The following SMAD4 variants were observed in gnomAD, a reference collection of about 807,000 sequenced individuals.
SMAD4 encodes SMAD family member 4, also known as MAD homolog 4.
In SMAD4, 7 loss-of-function variants were observed where a neutral mutation model predicts 63.2. The ratio of observed to expected loss-of-function variants is 0.11; its 90% confidence interval spans 0.06 to 0.21. The LOEUF (loss-of-function observed/expected upper bound fraction) is 0.21, where lower values mean the gene tolerates loss of function less well. SMAD4 is among the 10% of genes least tolerant of loss of function. The probability of loss-of-function intolerance (pLI) is 1.00; values close to 1 mark genes in which losing one functional copy is unlikely to be tolerated. For synonymous variants in SMAD4, 215 were observed against 235.4 expected (o/e 0.91, Z 0.79); for missense variants, 312 against 693.8 (o/e 0.45, Z 6.18).
chr18:51,050,509 A>C (rs1909678560), intron 4 of SMAD4, among the ~76,000 whole-genome samples: 2 of 151,194 alleles, frequency 1.3e-5, no homozygotes, highest in Admixed American at 6.6e-5. Flanking sequence ...AACATACAAA[A>C]TTAGCCGGAC....
intron 1 of SMAD4, among the ~76,000 whole-genome samples, chr18:51,033,169 C>G (rs1001751054): frequency 6.6e-6 from 1 of 150,962 alleles, no homozygotes; most frequent in African/African-American, 2.4e-5. Flanking sequence ...AAAGGACTTA[C>G]ACCAGCATAA....
chr18:51,073,433 A>ACACC (rs1910386533), intron 10 of SMAD4, among the ~76,000 whole-genome samples: 3 of 130,502 alleles, frequency 2.3e-5, no homozygotes, highest in Non-Finnish European at 3.3e-5. Context: ...ACACACACAC[A>ACACC]CCATACTTGG....
chr18:51,083,597 C>A lies in SMAD4; in HGVS notation c.*5130C>A. 4.4e-6 allele frequency: 1 copy of A among 228,152 alleles called. No individual in the cohort carries two copies. Among genetic ancestry groups the A allele is most frequent in the Non-Finnish European group, 8.7e-6 (1 of 114,814 alleles). 14.1% of individuals were successfully genotyped at this position (228,152 alleles called of 1,614,324 possible). On this transcript the variant is annotated 3_prime_UTR_variant, in exon 12 of 12. Transcript: ENST00000342988. ...TAGGTCCAGAGCCAGTGTTCTTGTT[C>A]AACCTGAAAGTAATGGCTCTGGGTT...
chr18:51,067,215 T>G lies in SMAD4; in HGVS notation c.1308+28T>G, dbSNP rs766140541. The G allele has an allele frequency of 2.3e-6, 3 of 1,301,914 alleles. No individual in the cohort carries two copies. In the African/African-American group the frequency reaches 4.4e-5, roughly 19 times the overall value. 80.6% of individuals were successfully genotyped at this position (1,301,914 alleles called of 1,614,324 possible). The stretch of plus-strand genomic sequence containing the variant: ...TAGTTACAATTTTATTTGAATATTT[T>G]AGACTTAAAGCTCTATTTGTTGTCA... On this transcript the variant is annotated intron_variant, in intron 10 of 11. Transcript: ENST00000342988.
chr18:51,040,271 A>G (rs1452910319), intron 1 of SMAD4, among the ~76,000 whole-genome samples: 1 of 152,018 alleles, frequency 6.6e-6, no homozygotes, highest in African/African-American at 2.4e-5. Context: ...TAATAATACA[A>G]AAATTAGCTG....
chr18:51,075,068 A>G (rs371801746), intron 10 of SMAD4, among the ~76,000 whole-genome samples: 1 of 152,224 alleles, frequency 6.6e-6, no homozygotes, highest in Middle Eastern at 3.2e-3. Flanking sequence ...ACATATATGT[A>G]TATTGGACAA....
intron 8 of SMAD4, among the ~76,000 whole-genome samples, chr18:51,064,658 T>G (rs1393096534): frequency 6.6e-6 from 1 of 152,244 alleles, no homozygotes; most frequent in African/African-American, 2.4e-5. Context: ...GCACCTCTTT[T>G]TTCCCAGTGA....
intron 1 of SMAD4, among the ~76,000 whole-genome samples, chr18:51,034,255 T>G (rs893584448): frequency 2.0e-5 from 3 of 151,656 alleles, no homozygotes; most frequent in Non-Finnish European, 4.4e-5. Context: ...TTTTTCTTTT[T>G]TTTTTTCTGA....
At position 51,080,614 on chromosome 18, in the gene SMAD4, T is replaced by C. The variant is rs569791739; in HGVS notation, c.*2147T>C. 2 of 183,032 alleles carry C rather than the reference T, an allele frequency of 1.1e-5. No homozygotes were observed. Among genetic ancestry groups the C allele is most frequent in the East Asian group, 1.8e-4 (2 of 11,090 alleles). The allele number at this position is 183,032 out of a possible 1,614,324, so 11.3% of individuals were successfully genotyped here. On this transcript the variant is annotated 3_prime_UTR_variant, in exon 12 of 12. Transcript: ENST00000342988. ...AGGAGTGCAGTGGTATGATCTCAGC[T>C]CACTGCAACCTCTGCCTCCCGGGTT...
Position 51,046,948 on chromosome 18 carries a change from T to C in SMAD4, c.-99T>C. 1 of 1,073,326 alleles carries C rather than the reference T, an allele frequency of 9.3e-7. No individual in the cohort carries two copies. Among genetic ancestry groups the C allele is most frequent in the Non-Finnish European group, 1.4e-6 (1 of 707,034 alleles). The allele number at this position is 1,073,326 out of a possible 1,614,324, so 66.5% of individuals were successfully genotyped here. On this transcript the variant is annotated 5_prime_UTR_variant, in exon 2 of 12. Transcript: ENST00000342988. ...ATCCTGAATACATGTCTAACAATTTTCCTTGCAACGTTAGCTGTTGTTTTT... is the reference window on the plus strand; with the variant it reads ...ATCCTGAATACATGTCTAACAATTTCCCTTGCAACGTTAGCTGTTGTTTTT...
chr18:51,043,548 T>C (rs1186415059), intron 1 of SMAD4, among the ~76,000 whole-genome samples: 1 of 152,208 alleles, frequency 6.6e-6, no homozygotes, highest in Admixed American at 6.5e-5. Context: ...TTATTCCTGC[T>C]AGTATTATTT....
At chr18:51,031,289 C>T (rs570905720) in intron 1 of SMAD4, among the ~76,000 whole-genome samples, 3 of 152,110 alleles carry the variant, frequency 2.0e-5, no homozygotes, top group African/African-American at 4.8e-5. Context: ...GTGGCTCCAT[C>T]ACTTGTCCCA....
chr18:51,074,400 A>T (rs1389177134), intron 10 of SMAD4, among the ~76,000 whole-genome samples: 1 of 152,170 alleles, frequency 6.6e-6, no homozygotes, highest in Non-Finnish European at 1.5e-5. Flanking sequence ...TCACCAAAGA[A>T]GATACACATA....
In SMAD4 at chr18:51,078,506, G is replaced by A. The variant is rs760084081; in HGVS notation, c.*39G>A. 2.3e-6 allele frequency: 3 copies of A among 1,331,566 alleles called. No homozygotes were observed. The highest frequency in any genetic ancestry group is 3.5e-5 in the Admixed American group (2 of 57,934). The allele number at this position is 1,331,566 out of a possible 1,614,324, so 82.5% of individuals were successfully genotyped here. ...TGGGGCCCTTAACCTTATCAGGATGGTGGACTACAAAATACAATCCTGTTT... is the reference window on the plus strand; with the variant it reads ...TGGGGCCCTTAACCTTATCAGGATGATGGACTACAAAATACAATCCTGTTT... On this transcript the variant is annotated 3_prime_UTR_variant, in exon 12 of 12. Coordinates refer to ENST00000342988, the MANE Select transcript of SMAD4 (RefSeq NM_005359.6).
At chr18:51,066,819 G>A (rs1305978120) in intron 9 of SMAD4, 200 bp from the exon 10 acceptor site, 3 of 554,524 alleles carry the variant, frequency 5.4e-6, no homozygotes, top group Non-Finnish European at 9.6e-6. Context: ...CACATAGTAA[G>A]TGTTGTAAAT....
chr18:51,047,084 A>G lies in SMAD4; in HGVS notation c.38A>G (p.Asn13Ser), dbSNP rs281875323. The change falls in exon 2 of 12, where the codon AAT becomes AGT. Residue 13 changes from asparagine (N) to serine (S), a missense_variant. Transcript: ENST00000342988. Reference protein sequence around the residue: ...NMSITNTPTSNDACLSIVHSL... With the variant: ...NMSITNTPTSSDACLSIVHSL... ...TCTATTACGAATACACCAACAAGTA[A>G]TGATGCCTGTCTGAGCATTGTGCAT... The G allele has an allele frequency of 3.7e-6, 6 of 1,613,892 alleles. No homozygotes were observed. The highest frequency in any genetic ancestry group is 5.1e-6 in the Non-Finnish European group (6 of 1,179,778).
intron 11 of SMAD4, among the ~76,000 whole-genome samples, chr18:51,077,987 A>C (rs1264244595): frequency 6.6e-6 from 1 of 152,212 alleles, no homozygotes; most frequent in East Asian, 1.9e-4. Flanking sequence ...TAAAGAAAAA[A>C]ATAGGTGAGG....
rs575677652 is a variant in SMAD4, at chr18:51,049,932, A to C, written c.454+608A>C. Among the ~76,000 whole-genome samples, 52 of 152,324 alleles carry C rather than the reference A, an allele frequency of 3.4e-4. No individual in the cohort carries two copies. In the South Asian group the frequency reaches 5.0e-3, roughly 15 times the overall value. Reference sequence around the variant, plus strand: ...TTTTAAGGTGAGAAAATGAAATGTGAATGGGGGTGTTTTTGTTTTTTATTG... The same window carrying C: ...TTTTAAGGTGAGAAAATGAAATGTGCATGGGGGTGTTTTTGTTTTTTATTG... On this transcript the variant is annotated intron_variant, in intron 4 of 11. Transcript: ENST00000342988.
chr18:51,067,096 C>T lies in SMAD4; in HGVS notation c.1217C>T (p.Ala406Val), dbSNP rs1064796102. The change falls in exon 10 of 12, where the codon GCG (alanine) becomes GTG (valine). Residue 406 changes from alanine to valine, a missense_variant. Around this residue, in one of 4 missense-constraint regions of SMAD4, gnomAD observed 92 missense variants for 305.9 expected, o/e 0.30. Coordinates refer to ENST00000342988, the MANE Select transcript of SMAD4 (RefSeq NM_005359.6). ...TGGGTCAGGTGCCTTAGTGACCACG[C>T]GGTCTTTGTACAGAGTTACTACTTA... ...DVWVRCLSDH[A>V]VFVQSYYLDR... 1 of 1,611,424 alleles carries T rather than the reference C, an allele frequency of 6.2e-7. No individual in the cohort carries two copies. Among genetic ancestry groups the T allele is most frequent in the Non-Finnish European group, 8.5e-7 (1 of 1,177,554 alleles).
Sources: gnomAD v4.1 joint callset for allele counts (sites outside exome capture counted in the v4.1 genomes callset) on GRCh38, gnomAD v4.1.1 for gene constraint, gnomAD v4.1.1 regional missense constraint, MANE v1.5 for transcripts, NCBI Gene and HGNC (gene_info 2026-07-23, HGNC 2026-07-21) for gene names.